CAPN15: variants seen among roughly 807,000 people sequenced by gnomAD.
The protein encoded by CAPN15 is calpain 15, also known as calpain-15.
Under a neutral mutation model 97.9 loss-of-function variants are expected in CAPN15, and 53 were observed. The observed-to-expected ratio is 0.54, with a 90% CI of 0.43 to 0.68. The LOEUF is 0.68. Ranked by LOEUF, CAPN15 falls within the 30% of genes least tolerant of loss-of-function variation. The pLI, the probability that CAPN15 is intolerant of heterozygous loss-of-function variation, is 0.00. For missense variants in CAPN15, 1,592 were observed against 1,589.8 expected, an observed-to-expected ratio of 1.00 and a Z score of -0.02; for synonymous variants, 922 against 722.5, an observed-to-expected ratio of 1.28 and a Z score of -4.43.
At chr16:544,458 C>T (rs1413017117) in intron 3 of CAPN15, among the ~76,000 whole-genome samples, 2 of 152,092 alleles carry the variant, frequency 1.3e-5, no homozygotes, top group African/African-American at 2.4e-5. Context: ...ACTGGGGCTG[C>T]GCCAGTCACA....
Position 549,054 on chromosome 16 carries a change from C to A in CAPN15, c.1511C>A (p.Ala504Glu), listed in dbSNP as rs553495909. ...PPGPESVGFP[A>E]GDSVQQRVRQ... The stretch of plus-strand genomic sequence containing the variant: ...GGGCCCGAGTCTGTCGGCTTCCCCG[C>A]GGGTGACAGCGTGCAGCAGCGTGTG... Residue 504 changes from alanine (A) to glutamate (E), a missense_variant, in exon 5 of 14, where the codon GCG becomes GAG. Physicochemically the swap from Ala to Glu is moderately radical, Grantham distance 107. Coordinates refer to ENST00000219611, the MANE Select transcript of CAPN15 (RefSeq NM_005632.3). 4.3e-6 allele frequency: 7 copies of A among 1,612,762 alleles called. No individual in the cohort carries two copies. Among genetic ancestry groups the A allele is most frequent in the African/African-American group, 1.3e-5 (1 of 75,066 alleles).
intron 4 of CAPN15, 128 bp downstream of exon 4, chr16:548,415 G>T: frequency 2.1e-6 from 2 of 935,274 alleles, no homozygotes; most frequent in Non-Finnish European, 3.0e-6. Context: ...GGGGAGGGCA[G>T]CACCCTCCGC....
chr16:528,941 G>A (rs1003747464), intron 1 of CAPN15, among the ~76,000 whole-genome samples: 2 of 152,220 alleles, frequency 1.3e-5, no homozygotes, highest in African/African-American at 4.8e-5. Context: ...CGTTTCCAGA[G>A]TCTGGGGCTG....
At chr16:544,272 A>G (rs2034373672) in intron 3 of CAPN15, among the ~76,000 whole-genome samples, 1 of 151,496 alleles carries the variant, frequency 6.6e-6, no homozygotes, top group East Asian at 2.0e-4. Flanking sequence ...CAAGTCTGGC[A>G]CCCCGGTGTG....
At position 551,297 on chromosome 16, in the gene CAPN15, C is replaced by T; in HGVS notation, c.2067-5C>T. 6.3e-7 allele frequency: 1 copy of T among 1,593,814 alleles called. No individual in the cohort carries two copies. Among genetic ancestry groups the T allele is most frequent in the East Asian group, 2.2e-5 (1 of 44,568 alleles). On this transcript the variant is annotated splice_polypyrimidine_tract_variant and splice_region_variant and intron_variant, in intron 7 of 13. Coordinates refer to ENST00000219611, the MANE Select transcript of CAPN15 (RefSeq NM_005632.3). ...CCGGTCGGTGAGGGCCGCTCTGCCA[C>T]ACAGGTTCCTCATGGGTGCCTCCTG...
At position 553,327 on chromosome 16, in the gene CAPN15, C is replaced by T. The variant is rs1429782725; in HGVS notation, c.3084-12C>T. 6.3e-7 allele frequency: 1 copy of T among 1,575,996 alleles called. No homozygotes were observed. The highest frequency in any genetic ancestry group is 1.7e-5 in the Admixed American group (1 of 58,528). ...CTGCCCTCCACAGGTCCTCACCGGT[C>T]CCCTCCCCCAGGCAGGTCCTGGTGA... On this transcript the variant is annotated splice_polypyrimidine_tract_variant and intron_variant, in intron 13 of 13. Transcript: ENST00000219611.
chr16:531,487 G>T (rs2033251561), intron 1 of CAPN15, among the ~76,000 whole-genome samples: 1 of 152,026 alleles, frequency 6.6e-6, no homozygotes, highest in African/African-American at 2.4e-5. Context: ...ATAAGTTTTG[G>T]AGCTTTCTGG....
intron 3 of CAPN15, chr16:538,570 C>T (rs2033887623): frequency 6.6e-6 from 1 of 152,252 alleles, no homozygotes; most frequent in Non-Finnish European, 1.5e-5. Context: ...AACGTTATCA[C>T]CACACGGGGG....
intron 13 of CAPN15, 141 bp downstream of exon 13, chr16:553,182 C>CCA (rs1246018293): frequency 4.8e-6 from 2 of 418,734 alleles, no homozygotes; most frequent in Non-Finnish European, 8.4e-6. Context: ...CAACCCATGC[C>CCA]CCCCCCACCC....
At chr16:542,053 G>A in intron 3 of CAPN15, among the ~76,000 whole-genome samples, 1 of 151,286 alleles carries the variant, frequency 6.6e-6, no homozygotes, top group South Asian at 2.1e-4. Flanking sequence ...TGCAGAAGGT[G>A]CGTGGACGTG....
intron 9 of CAPN15, 36 bp downstream of exon 9, chr16:551,700 C>A: frequency 6.3e-7 from 1 of 1,578,746 alleles, no homozygotes; most frequent in Non-Finnish European, 8.6e-7. Flanking sequence ...ACGCCGCCCC[C>A]GCCCTCCTAG....
Position 546,802 on chromosome 16 carries a change from C to T in CAPN15, c.-22-15C>T. 1 of 1,565,834 alleles carries T rather than the reference C, an allele frequency of 6.4e-7. No homozygotes were observed. The highest frequency in any genetic ancestry group is 8.7e-7 in the Non-Finnish European group (1 of 1,153,562). The stretch of plus-strand genomic sequence containing the variant: ...GACCTCACAGGGTGGCCCTGATGAG[C>T]ACCTTCCCTTGCAGCCACACCCACT... On this transcript the variant is annotated splice_polypyrimidine_tract_variant and intron_variant, in intron 3 of 13. Coordinates refer to ENST00000219611, the MANE Select transcript of CAPN15 (RefSeq NM_005632.3).
Position 553,676 on chromosome 16 carries a change from C to A in CAPN15, c.*160C>A, listed in dbSNP as rs1048022936. ...CAGCTTCCCATGGGCCCCCCGCCCC[C>A]CTCCTTCCCCTCCCTGAACCCCACA... On this transcript the variant is annotated 3_prime_UTR_variant, in exon 14 of 14. Transcript: ENST00000219611. The A allele has an allele frequency of 9.9e-5, 53 of 536,358 alleles. No individual in the cohort carries two copies. The highest frequency in any genetic ancestry group is 9.3e-4 in the African/African-American group (48 of 51,726). The allele number at this position is 536,358 out of a possible 1,614,324, so 33.2% of individuals were successfully genotyped here.
chr16:537,080 T>C (rs994350011), intron 3 of CAPN15: 44 of 950,348 alleles, frequency 4.6e-5, no homozygotes, highest in Non-Finnish European at 2.0e-5. Flanking sequence ...GGAGAGGGCT[T>C]AACAGAGCCA....
Position 551,404 on chromosome 16 carries a change from T to C in CAPN15, c.2169T>C (p.Asp723=). 6.2e-6 allele frequency: 10 copies of C among 1,609,220 alleles called. No homozygotes were observed. Among genetic ancestry groups the C allele is most frequent in the Non-Finnish European group, 7.6e-6 (9 of 1,177,622 alleles). ...CCCGGCATGCCTACTCCATCCTGGA[T>C]GTCCGAGATGTCCAGGGCACCAGGT... ...LRPRHAYSIL[D]VRDVQGTRLL... Residue 723 remains aspartate, a synonymous_variant, in exon 8 of 14, where the codon GAT becomes GAC. Transcript: ENST00000219611.
rs780297565 is a variant in CAPN15, at chr16:547,811, G to A, written c.973G>A (p.Ala325Thr). The A allele has an allele frequency of 1.2e-6, 2 of 1,611,836 alleles. No homozygotes were observed. Among genetic ancestry groups the A allele is most frequent in the African/African-American group, 2.7e-5 (2 of 74,916 alleles). Residue 325 changes from alanine (A) to threonine (T), a missense_variant, in exon 4 of 14, where the codon GCC becomes ACC. Physicochemically the swap from Ala to Thr is moderately conservative, Grantham distance 58. Around this residue, in one of 3 missense-constraint regions of CAPN15, gnomAD observed 883 missense variants for 776.6 expected, o/e 1.14. Transcript: ENST00000219611. The stretch of plus-strand genomic sequence containing the variant: ...CTCGGGCAGTGACATCATTGACCTG[G>A]CCGGAGACACCGTGCGTTACACGCC... ...STSGSDIIDL[A>T]GDTVRYTPAS...
Position 546,868 on chromosome 16 carries a change from G to A in CAPN15, c.30G>A (p.Val10=). The A allele has an allele frequency of 6.2e-7, 1 of 1,611,466 alleles. No individual in the cohort carries two copies. Among genetic ancestry groups the A allele is most frequent in the Non-Finnish European group, 8.5e-7 (1 of 1,179,490 alleles). ...CCACGGTCGGAGAGTGGTCCTGTGT[G>A]CGCTGCACCTTCCTGAACCCGGCCG... MATVGEWSC[V]RCTFLNPAGQ... The change falls in exon 4 of 14, where the codon GTG becomes GTA. Residue 10 remains valine (V), a synonymous_variant. Transcript: ENST00000219611.
rs200358694 is a variant in CAPN15 at position 547,572 on chromosome 16, C to T, written c.734C>T (p.Pro245Leu). 2.0e-5 allele frequency: 31 copies of T among 1,585,768 alleles called. No individual in the cohort carries two copies. The highest frequency in any genetic ancestry group is 8.8e-5 in the South Asian group (8 of 90,600). Reference sequence around the variant, plus strand: ...TCCACCCTGCAGAACAACCCCGTGCCGCGCAGCCGACGCGAGGTTCCCCCC... The same window carrying T: ...TCCACCCTGCAGAACAACCCCGTGCTGCGCAGCCGACGCGAGGTTCCCCCC... ...FSSTLQNNPV[P>L]RSRREVPPQL... Residue 245 changes from proline to leucine, a missense_variant, in exon 4 of 14, where the codon CCG becomes CTG. Physicochemically the swap from Pro to Leu is moderately conservative, Grantham distance 98. Coordinates refer to ENST00000219611, the MANE Select transcript of CAPN15 (RefSeq NM_005632.3).
chr16:537,061 A>C (rs1266519411), intron 3 of CAPN15: 14 of 873,882 alleles, frequency 1.6e-5, no homozygotes, highest in Non-Finnish European at 1.9e-5. Context: ...CGTGTGCTGG[A>C]AAAACCCCGG....
Sources: gnomAD v4.1 joint callset for allele counts (sites outside exome capture counted in the v4.1 genomes callset) on GRCh38, gnomAD v4.1.1 for gene constraint, gnomAD v4.1.1 regional missense constraint, MANE v1.5 for transcripts, NCBI Gene and HGNC (gene_info 2026-07-23, HGNC 2026-07-21) for gene names.